Variants in MGAT4C observed in about 807,000 individuals in gnomAD.
MGAT4C encodes the protein alpha-1,3-mannosyl-glycoprotein 4-beta-N-acetylglucosaminyltransferase C.
MGAT4C carries 19 observed loss-of-function variants against 40.1 expected under a neutral mutation model. That is an observed-to-expected ratio of 0.47 (90% CI 0.33 to 0.70). MGAT4C has a LOEUF of 0.70. Ranked by LOEUF, MGAT4C falls within the 30% of genes least tolerant of loss-of-function variation. The probability of loss-of-function intolerance (pLI) is 0.02; values close to 1 mark genes in which losing one functional copy is unlikely to be tolerated. For synonymous variants in MGAT4C, 181 were observed against 187.1 expected (o/e 0.97, Z 0.27); for missense variants, 491 against 563.2 (o/e 0.87, Z 1.30).
intron 1 of MGAT4C, among the ~76,000 whole-genome samples, chr12:86,829,634 CAAA>C (rs1221131909): frequency 2.6e-5 from 4 of 151,212 alleles, no homozygotes; most frequent in Non-Finnish European, 4.4e-5. Flanking sequence ...TGACCTATAG[CAAA>C]AAGACTAAGA....
intron 3 of MGAT4C, among the ~76,000 whole-genome samples, chr12:86,430,376 C>T (rs1854676375): frequency 6.7e-6 from 1 of 149,856 alleles, no homozygotes; most frequent in South Asian, 2.1e-4. Flanking sequence ...GGAATAGTCC[C>T]CTCTTGGCCT....
chr12:86,666,966 T>C (rs1219555656), intron 2 of MGAT4C, among the ~76,000 whole-genome samples: 2 of 152,302 alleles, frequency 1.3e-5, no homozygotes, highest in Non-Finnish European at 2.9e-5. Flanking sequence ...TGCTGAATGA[T>C]TGGTTACTTA....
chr12:86,775,247 C>T (rs933092349), intron 1 of MGAT4C, among the ~76,000 whole-genome samples: 2 of 151,998 alleles, frequency 1.3e-5, no homozygotes, highest in African/African-American at 2.4e-5. Flanking sequence ...TATTTACCAT[C>T]CTACTGAACA....
At chr12:86,571,083 G>A (rs1202558481) in intron 2 of MGAT4C, among the ~76,000 whole-genome samples, 1 of 152,074 alleles carries the variant, frequency 6.6e-6, no homozygotes, top group Non-Finnish European at 1.5e-5. Context: ...CCAAAGTGCT[G>A]GGATTACAGG....
chr12:86,033,509 T>C (rs1890951256), intron 2 of MGAT4C, among the ~76,000 whole-genome samples: 1 of 149,554 alleles, frequency 6.7e-6, no homozygotes, highest in Non-Finnish European at 1.5e-5. Context: ...ATTTTTTTTC[T>C]TTTTGTGGCT....
intron 1 of MGAT4C, among the ~76,000 whole-genome samples, chr12:86,146,536 G>T (rs1408366465): frequency 1.3e-5 from 2 of 151,862 alleles, no homozygotes; most frequent in Admixed American, 1.3e-4. Context: ...TCTTTTCCGT[G>T]TTCTCTTATT....
chr12:86,354,356 A>C (rs148246257), intron 3 of MGAT4C, among the ~76,000 whole-genome samples: 60 of 152,316 alleles, frequency 3.9e-4, no homozygotes, highest in Admixed American at 3.3e-3. Flanking sequence ...ATCAATCTAT[A>C]TATAGAAGAA....
At chr12:86,810,188 T>C (rs1179018575) in intron 1 of MGAT4C, among the ~76,000 whole-genome samples, 1 of 151,982 alleles carries the variant, frequency 6.6e-6, no homozygotes, top group Non-Finnish European at 1.5e-5. Flanking sequence ...GAAATGTGTT[T>C]TTTAAAATTG....
intron 1 of MGAT4C, among the ~76,000 whole-genome samples, chr12:86,773,112 C>A (rs993507925): frequency 3.9e-5 from 6 of 152,088 alleles, no homozygotes; most frequent in Non-Finnish European, 8.8e-5. Context: ...TCCCTAGTAC[C>A]ACAGAATGTG....
intron 1 of MGAT4C, among the ~76,000 whole-genome samples, chr12:86,057,444 C>A (rs1034500671): frequency 6.6e-6 from 1 of 152,136 alleles, no homozygotes; most frequent in Non-Finnish European, 1.5e-5. Context: ...ATATTTTACT[C>A]CCACCAATAA....
chr12:86,206,330 G>C (rs1950251554), intron 1 of MGAT4C, among the ~76,000 whole-genome samples: 2 of 152,068 alleles, frequency 1.3e-5, no homozygotes, highest in South Asian at 4.1e-4. Context: ...AATTGTGCTT[G>C]GATTATAAAA....
At chr12:86,775,661 A>T (rs1418003526) in intron 1 of MGAT4C, among the ~76,000 whole-genome samples, 1 of 151,662 alleles carries the variant, frequency 6.6e-6, no homozygotes, top group African/African-American at 2.4e-5. Flanking sequence ...GGTTAAAAAA[A>T]AGGTCTCACA....
intron 1 of MGAT4C, among the ~76,000 whole-genome samples, chr12:86,157,169 A>C: frequency 6.6e-6 from 1 of 152,224 alleles, no homozygotes; most frequent in East Asian, 1.9e-4. Context: ...TATTTTTAAT[A>C]TATACATTTA....
At chr12:86,093,852 C>T (rs1873377861) in intron 1 of MGAT4C, among the ~76,000 whole-genome samples, 1 of 152,156 alleles carries the variant, frequency 6.6e-6, no homozygotes, top group Admixed American at 6.6e-5. Flanking sequence ...TAGGTCACCT[C>T]CTTAAATGTA....
At chr12:86,679,692 A>G (rs1949945596) in intron 2 of MGAT4C, among the ~76,000 whole-genome samples, 1 of 152,094 alleles carries the variant, frequency 6.6e-6, no homozygotes, top group South Asian at 2.1e-4. Flanking sequence ...TCCTTCTACC[A>G]TGTGAGGACA....
intron 2 of MGAT4C, among the ~76,000 whole-genome samples, chr12:86,526,838 C>A (rs766518064): frequency 6.6e-6 from 1 of 152,174 alleles, no homozygotes; most frequent in Non-Finnish European, 1.5e-5. Flanking sequence ...GCTCTCCCTG[C>A]CAACTCGAGT....
At chr12:86,357,872 T>A in intron 3 of MGAT4C, among the ~76,000 whole-genome samples, 1 of 152,106 alleles carries the variant, frequency 6.6e-6, no homozygotes, top group East Asian at 1.9e-4. Flanking sequence ...CTGAAAGTGA[T>A]GGGGAGAATG....
Position 86,445,062 on chromosome 12 carries a change from G to A in MGAT4C, c.-228-9797C>T, listed in dbSNP as rs149457344. Among the ~76,000 whole-genome samples the A allele has an allele frequency of 3.6e-3, 548 of 152,276 alleles. 2 individuals carry two copies. Among genetic ancestry groups the A allele is most frequent in the Admixed American group, 6.0e-3 (92 of 15,288 alleles). ...AGAATTGGTGTGAGGAATTGCAAAG[G>A]ATCACAAAATTTTTGTGTGTAACAG... is the stretch of plus-strand genomic sequence containing the variant. On this transcript the variant is annotated intron_variant, in intron 2 of 7. Coordinates refer to the MGAT4C transcript ENST00000548651.
At chr12:86,233,050 C>T (rs1951393022) in intron 1 of MGAT4C, among the ~76,000 whole-genome samples, 2 of 152,114 alleles carry the variant, frequency 1.3e-5, no homozygotes, top group African/African-American at 2.4e-5. Context: ...TTCAATGAGG[C>T]AGGTAATCGC....
Sources: allele counts gnomAD v4.1 joint callset (sites outside exome capture counted in the v4.1 genomes callset), GRCh38; gene constraint gnomAD v4.1.1; transcripts MANE v1.5; gene names NCBI Gene and HGNC (gene_info 2026-07-23, HGNC 2026-07-21).